TMEM117: variants seen among roughly 807,000 people sequenced by gnomAD.
TMEM117 encodes the protein transmembrane protein 117.
A neutral mutation model predicts 52.4 loss-of-function variants in TMEM117; 27 were observed. The ratio of observed to expected loss-of-function variants is 0.51; its 90% CI spans 0.38 to 0.71. The LOEUF is 0.71. Ranked by LOEUF, TMEM117 falls within the 30% of genes least tolerant of loss-of-function variation. TMEM117 has a pLI of 0.00. For missense variants in TMEM117, 556 were observed against 630.5 expected (o/e 0.88, Z 1.26); for synonymous variants, 215 against 206.3 (o/e 1.04, Z -0.36).
rs550679990 is a variant in TMEM117, at chr12:44,150,093, C to G, written c.510+6469C>G. On this transcript the variant is annotated intron_variant, in intron 4 of 7. Transcript: ENST00000266534. ...GGAACCATTTTGACCTCAACCTACCCCTGATTAGTTAACCTCATGTTTGGT... is the reference window on the plus strand; with the variant it reads ...GGAACCATTTTGACCTCAACCTACCGCTGATTAGTTAACCTCATGTTTGGT... 1.9e-3 allele frequency among the ~76,000 whole-genome samples: 289 copies of G among 152,212 alleles called. 1 individual carries two copies. Among genetic ancestry groups the G allele is most frequent in the African/African-American group, 6.6e-3 (274 of 41,532 alleles).
At chr12:44,069,653 A>G (rs1361298384) in intron 3 of TMEM117, among the ~76,000 whole-genome samples, 1 of 152,198 alleles carries the variant, frequency 6.6e-6, no homozygotes, top group African/African-American at 2.4e-5. Flanking sequence ...AACCACTGTA[A>G]TGTTTTAAAG....
intron 6 of TMEM117, among the ~76,000 whole-genome samples, chr12:44,328,634 T>C (rs1349839403): frequency 1.3e-5 from 2 of 152,136 alleles, no homozygotes; most frequent in Non-Finnish European, 2.9e-5. Context: ...GGAATTTAGA[T>C]GTTTTCCCCA....
At chr12:44,294,037 T>A (rs1254074004) in intron 5 of TMEM117, among the ~76,000 whole-genome samples, 1 of 152,186 alleles carries the variant, frequency 6.6e-6, no homozygotes, top group African/African-American at 2.4e-5. Flanking sequence ...AAAGTCCTTC[T>A]CTCTCCTACA....
intron 1 of TMEM117, among the ~76,000 whole-genome samples, chr12:43,840,438 TGAG>T (rs1457500156): frequency 6.6e-6 from 1 of 152,118 alleles, no homozygotes; most frequent in Non-Finnish European, 1.5e-5. Flanking sequence ...GAGAGGGAGT[TGAG>T]GGGGGGTGCA....
At chr12:43,861,003 C>T (rs1943479702) in intron 2 of TMEM117, among the ~76,000 whole-genome samples, 1 of 152,128 alleles carries the variant, frequency 6.6e-6, no homozygotes, top group African/African-American at 2.4e-5. Flanking sequence ...CTGTCCACCT[C>T]ACCTCCCTCC....
chr12:44,368,933 G>A (rs916132919), intron 6 of TMEM117, among the ~76,000 whole-genome samples: 1 of 151,906 alleles, frequency 6.6e-6, no homozygotes, highest in Non-Finnish European at 1.5e-5. Flanking sequence ...CAAGTTGTTT[G>A]ATAACTGATG....
chr12:43,858,885 C>T (rs1565721936), intron 2 of TMEM117, among the ~76,000 whole-genome samples: 1 of 152,202 alleles, frequency 6.6e-6, no homozygotes, highest in African/African-American at 2.4e-5. Context: ...GCACCAGGTG[C>T]CATGAGCCTC....
rs1952122156 is a variant in TMEM117, at chr12:44,388,363, G to A, written c.1236G>A (p.Trp412Ter). ...IAFVWFGFFI[W>*]FFGRFLKNEP... ...TTGTGTGGTTTGGATTCTTTATTTG[G>A]TTCTTTGGACGATTTTTGAAAAATG... The change falls in exon 8 of 8, where the codon TGG becomes TGA. Residue 412 changes from tryptophan (W) to a stop codon, truncating the protein, a stop_gained. Transcript: ENST00000266534. LOFTEE classifies it high-confidence loss of function. 1 of 1,613,302 alleles carries A rather than the reference G, an allele frequency of 6.2e-7. No homozygotes were observed. The highest frequency in any genetic ancestry group is 8.5e-7 in the Non-Finnish European group (1 of 1,179,642).
intron 2 of TMEM117, among the ~76,000 whole-genome samples, chr12:43,877,634 CAA>C (rs372068617): frequency 0.079 from 7,910 of 99,826 alleles, 241 homozygotes; most frequent in Middle Eastern, 0.18. Context: ...GACTCGGTCT[CAA>C]AAAAAAAAAA....
chr12:44,198,163 T>C (rs1319020773), intron 4 of TMEM117, among the ~76,000 whole-genome samples: 1 of 152,190 alleles, frequency 6.6e-6, no homozygotes, highest in Non-Finnish European at 1.5e-5. Flanking sequence ...TTGGAAGTGA[T>C]ATTGTGTAAG....
chr12:44,183,105 A>G (rs948413509), intron 4 of TMEM117, among the ~76,000 whole-genome samples: 1 of 152,222 alleles, frequency 6.6e-6, no homozygotes, highest in African/African-American at 2.4e-5. Context: ...GAAATTTATA[A>G]AGAAAAAATT....
chr12:43,797,597 T>C, the TMEM117 span: 1 of 1,448,550 alleles, frequency 6.9e-7, no homozygotes, highest in Non-Finnish European at 9.3e-7. Flanking sequence ...CAAAATGAAT[T>C]TTAGAAATCA....
intron 3 of TMEM117, among the ~76,000 whole-genome samples, chr12:44,099,115 A>AT (rs112924580): frequency 0.074 from 11,153 of 149,726 alleles, 579 homozygotes; most frequent in Middle Eastern, 0.17. Context: ...GGCTATCTTT[A>AT]TTTTTTTTTT....
intron 5 of TMEM117, among the ~76,000 whole-genome samples, chr12:44,213,918 G>C (rs2138405608): frequency 6.6e-6 from 1 of 152,160 alleles, no homozygotes; most frequent in Non-Finnish European, 1.5e-5. Flanking sequence ...TATCTTCAAA[G>C]GTAGCTGATT....
chr12:44,043,202 G>T (rs1946828896), intron 3 of TMEM117, among the ~76,000 whole-genome samples: 1 of 152,116 alleles, frequency 6.6e-6, no homozygotes. Flanking sequence ...TTGTTTCCTG[G>T]CTTCAGAAGC....
intron 3 of TMEM117, among the ~76,000 whole-genome samples, chr12:44,101,956 A>C (rs1947868519): frequency 6.6e-6 from 1 of 152,080 alleles, no homozygotes; most frequent in Non-Finnish European, 1.5e-5. Flanking sequence ...ATTTTCTACA[A>C]GCATCATAAA....
At chr12:44,349,330 G>T (rs537609919) in intron 6 of TMEM117, among the ~76,000 whole-genome samples, 1 of 151,892 alleles carries the variant, frequency 6.6e-6, no homozygotes, top group Non-Finnish European at 1.5e-5. Flanking sequence ...CAAACAATAC[G>T]TCAGTTTCTT....
chr12:44,157,358 A>T (rs1948839636), intron 4 of TMEM117, among the ~76,000 whole-genome samples: 1 of 145,090 alleles, frequency 6.9e-6, no homozygotes, highest in Admixed American at 6.6e-5. Context: ...ATGTGGAATT[A>T]TGACTGCTAA....
intron 5 of TMEM117, among the ~76,000 whole-genome samples, chr12:44,278,583 G>A (rs1950542780): frequency 6.6e-6 from 1 of 152,100 alleles, no homozygotes; most frequent in South Asian, 2.1e-4. Context: ...TTCCCTCCGT[G>A]ACAGAATCCA....
Sources: allele counts gnomAD v4.1 joint callset (sites outside exome capture counted in the v4.1 genomes callset), GRCh38; gene constraint gnomAD v4.1.1; transcripts MANE v1.5; gene names NCBI Gene and HGNC (gene_info 2026-07-23, HGNC 2026-07-21).